Variants in ROS1 observed in about 807,000 individuals in gnomAD.
The protein encoded by ROS1 is ROS proto-oncogene 1, receptor tyrosine kinase, also known as proto-oncogene tyrosine-protein kinase ROS.
ROS1 carries 263 observed loss-of-function variants against 273.5 expected under a neutral mutation model. The observed-to-expected ratio is 0.96, with a 90% confidence interval of 0.87 to 1.06. The LOEUF (loss-of-function observed/expected upper bound fraction) is 1.06, where lower values mean the gene tolerates loss of function less well. Among genes scored for constraint, ROS1 ranks in the 50% least tolerant of loss-of-function variants. ROS1 has a pLI of 0.00. For synonymous variants in ROS1, 1,008 were observed against 954.1 expected, an observed-to-expected ratio of 1.06 and a Z score of -1.04; for missense variants, 2,833 against 2,751.1, an observed-to-expected ratio of 1.03 and a Z score of -0.67.
chr6:117,337,393 A>G (rs1356379718), intron 31 of ROS1, 53 bp from the exon 32 acceptor site: 14 of 1,409,516 alleles, frequency 9.9e-6, no homozygotes, highest in Non-Finnish European at 1.3e-5. Flanking sequence ...AAATATTCTT[A>G]AAACACAAAA....
chr6:117,344,454 T>C (rs1778208633), intron 27 of ROS1, among the ~76,000 whole-genome samples, 192 bp from the exon 28 acceptor site: 2 of 152,206 alleles, frequency 1.3e-5, no homozygotes, highest in South Asian at 4.1e-4. Flanking sequence ...GGCTGCAGCT[T>C]GATACTGTGT....
In ROS1 at chr6:117,366,249, G is replaced by A. The variant is rs2128662598; in HGVS notation, c.2624C>T (p.Thr875Ile). Residue 875 changes from threonine to isoleucine, a missense_variant, in exon 19 of 44, where the codon ACT (threonine) becomes ATT (isoleucine). Transcript: ENST00000368507. ...CAGTGCATTCTGGGAAATTTCAGAA[G>A]TACTCCAGGCTGCAAATTCTGTGAT... ...TTITEFAAWS[T>I]SEISQNALMY... is the part of the protein sequence containing the mutation. 1 of 1,614,068 alleles carries A rather than the reference G, an allele frequency of 6.2e-7. No individual in the cohort carries two copies. Among genetic ancestry groups the A allele is most frequent in the South Asian group, 1.1e-5 (1 of 91,074 alleles).
At chr6:117,414,674 G>T (rs1367000791) in intron 3 of ROS1, 129 bp from the exon 4 acceptor site, 1 of 561,510 alleles carries the variant, frequency 1.8e-6, no homozygotes, top group Non-Finnish European at 3.1e-6. Context: ...AAAAACAACA[G>T]AAACAAGGGA....
chr6:117,362,987 A>C (rs1489573103), intron 21 of ROS1, 122 bp from the exon 22 acceptor site: 1 of 854,558 alleles, frequency 1.2e-6, no homozygotes, highest in Non-Finnish European at 1.7e-6. Context: ...AGGCAGTTGC[A>C]GTATATTTAT....
intron 39 of ROS1, among the ~76,000 whole-genome samples, chr6:117,312,108 A>G (rs1775590622): frequency 6.6e-6 from 1 of 151,736 alleles, no homozygotes; most frequent in African/African-American, 2.4e-5. Flanking sequence ...TCCTCTCTCA[A>G]TCTGTGCTTC....
intron 7 of ROS1, among the ~76,000 whole-genome samples, chr6:117,399,234 T>G (rs1444083428): frequency 1.3e-5 from 2 of 152,186 alleles, no homozygotes; most frequent in East Asian, 3.9e-4. Flanking sequence ...ATTATTTTGA[T>G]TTGCCCAGCC....
chr6:117,343,406 A>C (rs1291271329), intron 28 of ROS1, among the ~76,000 whole-genome samples: 1 of 152,164 alleles, frequency 6.6e-6, no homozygotes, highest in Admixed American at 6.6e-5. Context: ...ACAAAGCAAA[A>C]TATTGGATAT....
chr6:117,314,612 C>T (rs1775773896), intron 39 of ROS1, among the ~76,000 whole-genome samples: 1 of 152,168 alleles, frequency 6.6e-6, no homozygotes, highest in Admixed American at 6.5e-5. Flanking sequence ...TTCAGAGATA[C>T]TACCAGTCAC....
rs1582881140 is a variant in ROS1, at chr6:117,409,651, G to C, written c.256-9C>G. ...ACCTCACACGACTCCCGCTGTGGAA[G>C]ACAGGGAGCATGACAGTCAGGGCAG... On this transcript the variant is annotated splice_polypyrimidine_tract_variant and intron_variant, in intron 4 of 43. Transcript: ENST00000368507. 3.1e-6 allele frequency: 5 copies of C among 1,613,298 alleles called. No homozygotes were observed. The highest frequency in any genetic ancestry group is 4.2e-6 in the Non-Finnish European group (5 of 1,179,302).
At chr6:117,361,579 T>C (rs1483098471) in intron 22 of ROS1, among the ~76,000 whole-genome samples, 3 of 148,498 alleles carry the variant, frequency 2.0e-5, no homozygotes, top group Admixed American at 6.8e-5. Flanking sequence ...ATATAAATAC[T>C]ATATATTCTA....
intron 14 of ROS1, among the ~76,000 whole-genome samples, 182 bp from the exon 15 acceptor site, chr6:117,387,181 C>A (rs1772654683): frequency 6.6e-6 from 1 of 152,106 alleles, no homozygotes; most frequent in South Asian, 2.1e-4. Flanking sequence ...CAAGAATGAT[C>A]CCATTAAACA....
chr6:117,343,402 C>A (rs1020044693), intron 28 of ROS1, among the ~76,000 whole-genome samples: 1 of 152,036 alleles, frequency 6.6e-6, no homozygotes, highest in African/African-American at 2.4e-5. Flanking sequence ...AAGCACAAAG[C>A]AAAATATTGG....
At chr6:117,399,445 G>A (rs1285307702) in intron 7 of ROS1, among the ~76,000 whole-genome samples, 1 of 152,212 alleles carries the variant, frequency 6.6e-6, no homozygotes, top group African/African-American at 2.4e-5. Context: ...CAAACCCTGA[G>A]ATCTGACAAG....
intron 39 of ROS1, among the ~76,000 whole-genome samples, chr6:117,312,328 C>T (rs1187560980): frequency 2.0e-5 from 3 of 152,134 alleles, no homozygotes; most frequent in Admixed American, 6.6e-5. Flanking sequence ...CTCCCTACCT[C>T]CCCTGACACG....
At chr6:117,322,736 C>G (rs1298981354) in intron 35 of ROS1, among the ~76,000 whole-genome samples, 1 of 152,128 alleles carries the variant, frequency 6.6e-6, no homozygotes, top group Non-Finnish European at 1.5e-5. Context: ...ATTACTCAAT[C>G]TTTTCTCATG....
rs183494372 is a variant in ROS1, at chr6:117,320,905, C to T, written c.5759+354G>A. Among the ~76,000 whole-genome samples, 39 of 149,838 alleles carry T rather than the reference C, an allele frequency of 2.6e-4. 2 individuals carry two copies. In the East Asian group the frequency reaches 4.6e-3, roughly 18 times the overall value. On this transcript the variant is annotated intron_variant, in intron 36 of 43. Coordinates refer to ENST00000368507, the MANE Select transcript of ROS1 (RefSeq NM_001378902.1). ...AGTAAGATTGACTTAAGGCTGACCA[C>T]GTAACACAAGGCTCTCAAAACTCCT...
chr6:117,333,686 A>G (rs1777261358), intron 32 of ROS1, among the ~76,000 whole-genome samples: 1 of 152,220 alleles, frequency 6.6e-6, no homozygotes, highest in African/African-American at 2.4e-5. Flanking sequence ...GATTCAACAT[A>G]TGCAAATCAA....
rs201673653 is a variant in ROS1 at position 117,288,743 on chromosome 6, C to A, written c.6775G>T (p.Glu2259Ter). 1.3e-5 allele frequency: 21 copies of A among 1,613,706 alleles called. No individual in the cohort carries two copies. Among genetic ancestry groups the A allele is most frequent in the Non-Finnish European group, 1.8e-5 (21 of 1,179,950 alleles). The change falls in exon 44 of 44, where the codon GAA becomes TAA. Residue 2259 changes from glutamate to a stop codon, truncating the protein, a stop_gained. Transcript: ENST00000368507. LOFTEE classifies it high-confidence loss of function. ...TTTAACCCTTCTCGGTTCTTCGTTT[C>A]CATTAAAGCAACTGGCATAATGTCA... ...SDDIMPVALM[E>*]TKNREGLNYM...
chr6:117,323,584 A>G (rs191512929), intron 35 of ROS1, among the ~76,000 whole-genome samples: 121 of 152,278 alleles, frequency 7.9e-4, no homozygotes, highest in African/African-American at 2.8e-3. Context: ...GGAATGAAAG[A>G]AAGTGCTATT....
Sources: allele counts gnomAD v4.1 joint callset (sites outside exome capture counted in the v4.1 genomes callset), GRCh38; gene constraint gnomAD v4.1.1; transcripts MANE v1.5; gene names NCBI Gene and HGNC (gene_info 2026-07-23, HGNC 2026-07-21).